Variants in KIF21A observed in about 807,000 individuals in gnomAD.
KIF21A encodes the protein kinesin family member 21A, also known as kinesin-like protein KIF21A.
In KIF21A, 114 loss-of-function variants were observed where a neutral mutation model predicts 202.9. The observed-to-expected ratio is 0.56, with a 90% CI of 0.48 to 0.66. The LOEUF (loss-of-function observed/expected upper bound fraction) is 0.66, where lower values mean the gene tolerates loss of function less well. Ranked by LOEUF, KIF21A falls within the 30% of genes least tolerant of loss-of-function variation. KIF21A has a pLI of 0.00. For synonymous variants in KIF21A, 667 were observed against 670.8 expected (o/e 0.99, Z 0.09); for missense variants, 1,677 against 1,994.9 (o/e 0.84, Z 3.04).
At chr12:39,345,060 C>G (rs1407096412) in intron 12 of KIF21A, among the ~76,000 whole-genome samples, 1 of 152,164 alleles carries the variant, frequency 6.6e-6, no homozygotes, top group Non-Finnish European at 1.5e-5. Context: ...CAGGCTCCAC[C>G]TCAGTCCTAC....
rs780994945 is a variant in KIF21A, at chr12:39,442,871, C to T, written c.44+56G>A. On this transcript the variant is annotated intron_variant, in intron 1 of 37. Coordinates refer to ENST00000361418, the MANE Select transcript of KIF21A (RefSeq NM_001173464.2). This position sits in a 1 kb window ranked among gnomAD's most constrained non-coding sequence, Gnocchi z 5.0. ...CCGGTGCTCCGCGCCACAGCCAGGT[C>T]CTTGCCGCGCCCTCAACCCGCCGCC... The T allele has an allele frequency of 2.9e-4, 435 of 1,519,266 alleles. 1 individual carries two copies. Among genetic ancestry groups the T allele is most frequent in the Non-Finnish European group, 3.6e-4 (411 of 1,138,906 alleles). 94.1% of individuals were successfully genotyped at this position (1,519,266 alleles called of 1,614,324 possible). A position where few individuals can be genotyped will look rare whatever the true frequency, so the allele number is the denominator to read the frequency against.
At position 39,423,030 on chromosome 12, in the gene KIF21A, T is replaced by C. The variant is rs113150442; in HGVS notation, c.44+19897A>G. ...TAATAGTACCAATATTATAGGATTA[T>C]TGTGAGGATCACATGAGTTAATATG... On this transcript the variant is annotated intron_variant, in intron 1 of 37. Coordinates refer to ENST00000361418, the MANE Select transcript of KIF21A (RefSeq NM_001173464.2). Among the ~76,000 whole-genome samples, 409 of 152,380 alleles carry C rather than the reference T, an allele frequency of 2.7e-3. 3 individuals are homozygous for C. The highest frequency in any genetic ancestry group is 9.0e-3 in the African/African-American group (375 of 41,590).
intron 26 of KIF21A, 54 bp from the exon 27 acceptor site, chr12:39,322,936 T>C: frequency 8.5e-7 from 1 of 1,170,876 alleles, no homozygotes; most frequent in Non-Finnish European, 1.2e-6. Flanking sequence ...GCATAGAAGC[T>C]GATTAGAGAA....
At chr12:39,341,436 A>G (rs1470444688) in intron 14 of KIF21A, 69 bp downstream of exon 14, 4 of 1,437,802 alleles carry the variant, frequency 2.8e-6, no homozygotes, top group Non-Finnish European at 3.9e-6. Context: ...GAGAATGTTA[A>G]GAGTTTTCTG....
At chr12:39,426,555 A>G (rs1378964271) in intron 1 of KIF21A, among the ~76,000 whole-genome samples, 1 of 152,134 alleles carries the variant, frequency 6.6e-6, no homozygotes, top group African/African-American at 2.4e-5. Context: ...TTATATCATT[A>G]TTAAGAAGCA....
At chr12:39,325,368 G>A (rs1459576479) in intron 26 of KIF21A, among the ~76,000 whole-genome samples, 4 of 147,366 alleles carry the variant, frequency 2.7e-5, no homozygotes, top group African/African-American at 5.1e-5. Context: ...GTCTCGCTCC[G>A]TCGCCCAGGC....
intron 34 of KIF21A, 37 bp from the exon 35 acceptor site, chr12:39,304,975 A>G (rs762922377): frequency 2.0e-6 from 2 of 995,912 alleles, no homozygotes; most frequent in Non-Finnish European, 3.2e-6. Context: ...GTTTAAAATT[A>G]TTTCTTAGTA....
At chr12:39,353,536 C>T (rs528241621) in intron 10 of KIF21A, among the ~76,000 whole-genome samples, 1 of 152,002 alleles carries the variant, frequency 6.6e-6, no homozygotes, top group African/African-American at 2.4e-5. Flanking sequence ...ATATATTATA[C>T]TTTTCTATAT....
At chr12:39,337,351 T>C (rs1347058070) in intron 16 of KIF21A, 148 bp from the exon 17 acceptor site, 2 of 641,768 alleles carry the variant, frequency 3.1e-6, no homozygotes, top group Non-Finnish European at 2.8e-6. Flanking sequence ...GGGCAATTCT[T>C]ATTTCTGTGG....
intron 6 of KIF21A, 145 bp from the exon 7 acceptor site, chr12:39,363,358 C>A: frequency 1.7e-6 from 1 of 590,318 alleles, no homozygotes; most frequent in South Asian, 2.0e-5. Flanking sequence ...CATTTGTAAC[C>A]AATGTCACTG....
At chr12:39,412,656 T>C (rs1953201096) in intron 1 of KIF21A, among the ~76,000 whole-genome samples, 1 of 152,030 alleles carries the variant, frequency 6.6e-6, no homozygotes, top group African/African-American at 2.4e-5. Flanking sequence ...AAATGAAGGT[T>C]GCAGCGAGCT....
intron 1 of KIF21A, among the ~76,000 whole-genome samples, chr12:39,437,333 A>G (rs1938954591): frequency 6.6e-6 from 1 of 152,186 alleles, no homozygotes; most frequent in South Asian, 2.1e-4. Flanking sequence ...TTGAGTCCCA[A>G]ATAACAAACA....
At chr12:39,346,230 A>T (rs1029016727) in intron 12 of KIF21A, among the ~76,000 whole-genome samples, 1 of 152,096 alleles carries the variant, frequency 6.6e-6, no homozygotes, top group Non-Finnish European at 1.5e-5. Flanking sequence ...TTCTGTAATC[A>T]CATGAAACTG....
At chr12:39,318,839 G>C (rs2137613634) in intron 28 of KIF21A, among the ~76,000 whole-genome samples, 1 of 152,318 alleles carries the variant, frequency 6.6e-6, no homozygotes, top group African/African-American at 2.4e-5. Context: ...AAATTAGCCG[G>C]GCGTGGTGGC....
intron 33 of KIF21A, among the ~76,000 whole-genome samples, chr12:39,307,948 T>G (rs1008196693): frequency 6.6e-6 from 1 of 152,184 alleles, no homozygotes; most frequent in African/African-American, 2.4e-5. Flanking sequence ...AGATTATGAA[T>G]GAATAAAATA....
At chr12:39,434,915 T>C (rs1452117884) in intron 1 of KIF21A, among the ~76,000 whole-genome samples, 2 of 152,220 alleles carry the variant, frequency 1.3e-5, no homozygotes, top group African/African-American at 2.4e-5. Flanking sequence ...TTGTATCAAA[T>C]AATGTGGATA....
intron 30 of KIF21A, 127 bp from the exon 31 acceptor site, chr12:39,315,367 A>C (rs1944420331): frequency 1.3e-6 from 1 of 763,020 alleles, no homozygotes; most frequent in African/African-American, 1.7e-5. Context: ...GGACCCCCAG[A>C]AAAATCCATA....
At chr12:39,328,833 A>G (rs929806120) in intron 24 of KIF21A, among the ~76,000 whole-genome samples, 1 of 152,080 alleles carries the variant, frequency 6.6e-6, no homozygotes, top group Non-Finnish European at 1.5e-5. Context: ...CTTCTTCACT[A>G]TGTTTTAGCT....
intron 36 of KIF21A, among the ~76,000 whole-genome samples, chr12:39,302,152 T>C (rs1439821252): frequency 6.6e-6 from 1 of 152,176 alleles, no homozygotes; most frequent in Non-Finnish European, 1.5e-5. Context: ...TATTTCATGA[T>C]GAGTAAACAG....
Sources: gnomAD v4.1 joint callset for allele counts (sites outside exome capture counted in the v4.1 genomes callset) on GRCh38, gnomAD v4.1.1 for gene constraint, Gnocchi (gnomAD v3.1) non-coding constraint, MANE v1.5 for transcripts, NCBI Gene and HGNC (gene_info 2026-07-23, HGNC 2026-07-21) for gene names.